Variants in HS3ST4 observed in about 807,000 individuals in gnomAD.
The protein encoded by HS3ST4 is heparan sulfate-glucosamine 3-sulfotransferase 4.
In HS3ST4, 17 loss-of-function variants were observed where a neutral mutation model predicts 29.2. That is an observed-to-expected ratio of 0.58 (90% CI 0.40 to 0.87). The LOEUF (loss-of-function observed/expected upper bound fraction) is 0.87, where lower values mean the gene tolerates loss of function less well. Ranked by LOEUF, HS3ST4 falls within the 40% of genes least tolerant of loss-of-function variation. The pLI is 0.00. For missense variants in HS3ST4, 627 were observed against 634.5 expected (o/e 0.99, Z 0.13); for synonymous variants, 314 against 285.7 (o/e 1.10, Z -1.00).
At chr16:25,937,907 C>T (rs1285864014) in intron 1 of HS3ST4, among the ~76,000 whole-genome samples, 1 of 152,160 alleles carries the variant, frequency 6.6e-6, no homozygotes, top group Non-Finnish European at 1.5e-5. Flanking sequence ...ATTCCCAGCT[C>T]TGCAGTGTTG....
intron 1 of HS3ST4, among the ~76,000 whole-genome samples, chr16:26,008,335 T>C (rs186168434): frequency 6.6e-6 from 1 of 152,352 alleles, no homozygotes; most frequent in African/African-American, 2.4e-5. Context: ...TACTTCATTA[T>C]GTCTGTTTAT....
At chr16:25,931,578 G>C (rs1361082367) in intron 1 of HS3ST4, among the ~76,000 whole-genome samples, 4 of 152,182 alleles carry the variant, frequency 2.6e-5, no homozygotes, top group African/African-American at 7.2e-5. Context: ...GGCATTACCA[G>C]GGCCATTTGG....
chr16:25,860,163 G>T (rs1000946618), intron 1 of HS3ST4, among the ~76,000 whole-genome samples: 2 of 152,168 alleles, frequency 1.3e-5, no homozygotes, highest in Non-Finnish European at 2.9e-5. Flanking sequence ...AAAGGGTTGA[G>T]ACCCCTGCTA....
chr16:25,899,778 A>G (rs990454627), intron 1 of HS3ST4, among the ~76,000 whole-genome samples: 4 of 149,396 alleles, frequency 2.7e-5, no homozygotes, highest in African/African-American at 9.9e-5. Context: ...TAAGGAAAAC[A>G]TGGCAAAAAC....
chr16:26,069,882 G>T (rs931689176), intron 1 of HS3ST4, among the ~76,000 whole-genome samples: 5 of 152,022 alleles, frequency 3.3e-5, no homozygotes, highest in Non-Finnish European at 5.9e-5. Context: ...CAAAGGACAT[G>T]AACTCATCAT....
intron 1 of HS3ST4, among the ~76,000 whole-genome samples, chr16:25,833,274 G>T (rs1025307162): frequency 6.6e-6 from 1 of 152,044 alleles, no homozygotes; most frequent in African/African-American, 2.4e-5. Context: ...GACTGATATT[G>T]ATCAATTGGA....
rs1567249472 is a variant in HS3ST4 at position 25,828,292 on chromosome 16, CTTT to C, written c.734+135142_734+135144del. 5.8e-3 allele frequency among the ~76,000 whole-genome samples: 471 copies of C among 80,842 alleles called. 2 individuals carry two copies. Among genetic ancestry groups the C allele is most frequent in the Middle Eastern group, 0.011 (2 of 180 alleles). 53.0% of individuals were successfully genotyped at this position (80,842 alleles called of 152,430 possible). On this transcript the variant is annotated intron_variant, in intron 1 of 1. Transcript: ENST00000331351. Reference sequence around the variant, plus strand: ...TCTTTCTTTCTTTCTTTCTTTCTTTCTTTCTTTCCCTCTCTCTCTCTCTCTCTC... The same window carrying C: ...TCTTTCTTTCTTTCTTTCTTTCTTTCCTTTCCCTCTCTCTCTCTCTCTCTC...
intron 1 of HS3ST4, among the ~76,000 whole-genome samples, chr16:25,738,838 G>A (rs1188277392): frequency 6.6e-6 from 1 of 152,132 alleles, no homozygotes; most frequent in African/African-American, 2.4e-5. Flanking sequence ...TCTGATTACT[G>A]TAGCTTTGTA....
intron 1 of HS3ST4, among the ~76,000 whole-genome samples, chr16:25,861,050 T>G (rs1567258075): frequency 6.6e-6 from 1 of 152,144 alleles, no homozygotes; most frequent in African/African-American, 2.4e-5. Context: ...AGTAAAGTCT[T>G]AAAAACAAAC....
chr16:26,120,053 GTGTGTGTGTGTGTGTGTA>G (rs1899251999), intron 1 of HS3ST4, among the ~76,000 whole-genome samples: 1 of 29,522 alleles, frequency 3.4e-5, no homozygotes, highest in African/African-American at 3.8e-4. Context: ...GCTGAAGGAA[GTGTGTGTGTGTGTGTGTA>G]TGTGTGTGTG....
intron 1 of HS3ST4, among the ~76,000 whole-genome samples, chr16:26,006,300 G>GAA (rs11461863): frequency 0.09 from 6,173 of 68,520 alleles, 657 homozygotes; most frequent in Middle Eastern, 0.11. Flanking sequence ...CTCTGTTTCA[G>GAA]AAAAAAAAAA....
At chr16:26,080,017 A>C (rs1898706879) in intron 1 of HS3ST4, among the ~76,000 whole-genome samples, 1 of 152,228 alleles carries the variant, frequency 6.6e-6, no homozygotes, top group African/African-American at 2.4e-5. Flanking sequence ...AGGACGCTGA[A>C]GCACAGATAA....
At chr16:25,924,827 T>C (rs1968387061) in intron 1 of HS3ST4, among the ~76,000 whole-genome samples, 1 of 152,226 alleles carries the variant, frequency 6.6e-6, no homozygotes, top group Non-Finnish European at 1.5e-5. Context: ...TCTATGGTTT[T>C]GGATAATGAA....
intron 1 of HS3ST4, among the ~76,000 whole-genome samples, chr16:25,736,973 C>T (rs151194417): frequency 7.9e-5 from 12 of 152,158 alleles, no homozygotes; most frequent in African/African-American, 2.4e-4. Flanking sequence ...TTTAGCCTCC[C>T]GAGTAGCTGG....
At chr16:25,961,253 G>A (rs1968790375) in intron 1 of HS3ST4, among the ~76,000 whole-genome samples, 1 of 152,198 alleles carries the variant, frequency 6.6e-6, no homozygotes, top group Non-Finnish European at 1.5e-5. Flanking sequence ...CTGTGTGGAA[G>A]GCAGGAGAAT....
intron 1 of HS3ST4, among the ~76,000 whole-genome samples, chr16:25,945,982 C>T (rs951102607): frequency 6.6e-6 from 1 of 152,192 alleles, no homozygotes; most frequent in Non-Finnish European, 1.5e-5. Flanking sequence ...TACCCATGGT[C>T]TCTTTTATTG....
intron 1 of HS3ST4, among the ~76,000 whole-genome samples, chr16:26,061,785 T>G (rs2141771352): frequency 6.6e-6 from 1 of 152,352 alleles, no homozygotes; most frequent in South Asian, 2.1e-4. Flanking sequence ...CTGTGTCAAC[T>G]TCATTCTCCA....
chr16:25,716,310 T>C (rs1000005408), intron 1 of HS3ST4, among the ~76,000 whole-genome samples: 6 of 152,238 alleles, frequency 3.9e-5, no homozygotes, highest in Non-Finnish European at 5.9e-5. Context: ...CAATCTGGAA[T>C]AAAGACTACA....
chr16:26,093,946 C>T (rs1025693861), intron 1 of HS3ST4, among the ~76,000 whole-genome samples: 11 of 152,072 alleles, frequency 7.2e-5, no homozygotes, highest in Middle Eastern at 3.2e-3. Context: ...AAAACCATGG[C>T]GCAAGAACTT....
Sources: gnomAD v4.1 joint callset for allele counts (sites outside exome capture counted in the v4.1 genomes callset) on GRCh38, gnomAD v4.1.1 for gene constraint, MANE v1.5 for transcripts, NCBI Gene and HGNC (gene_info 2026-07-23, HGNC 2026-07-21) for gene names.